TTN: variants seen among roughly 807,000 people sequenced by gnomAD.
The protein encoded by TTN is titin.
In TTN, 1,525 loss-of-function variants were observed where a neutral mutation model predicts 3,223.0. The observed-to-expected ratio is 0.47, with a 90% CI of 0.45 to 0.49. TTN has a LOEUF of 0.49. Ranked by LOEUF, TTN falls within the 20% of genes least tolerant of loss-of-function variation. The probability of loss-of-function intolerance (pLI) is 0.00; values close to 1 mark genes in which losing one functional copy is unlikely to be tolerated. For synonymous variants in TTN, 14,094 were observed against 15,161.0 expected (o/e 0.93, Z 5.17); for missense variants, 40,786 against 43,424.0 (o/e 0.94, Z 5.40).
intron 242 of TTN, among the ~76,000 whole-genome samples, chr2:178,624,133 A>G (rs2058691190): frequency 6.6e-6 from 1 of 151,946 alleles, no homozygotes; most frequent in South Asian, 2.1e-4. Flanking sequence ...CTTATCTTTA[A>G]AATTCAGTTT....
chr2:178,778,798 C>A, intron 24 of TTN, 76 bp downstream of exon 24: 1 of 1,593,870 alleles, frequency 6.3e-7, no homozygotes, highest in South Asian at 1.1e-5. Flanking sequence ...TCTTCTTACA[C>A]AATAGCAATT....
At chr2:178,798,330 C>T (rs1309608380) in intron 6 of TTN, among the ~76,000 whole-genome samples, 1 of 152,048 alleles carries the variant, frequency 6.6e-6, no homozygotes, top group Non-Finnish European at 1.5e-5. Context: ...AAAGTTTCAT[C>T]ATGATAAACT....
chr2:178,707,459 CATA>C, intron 100 of TTN, 64 bp downstream of exon 100: 13 of 1,470,610 alleles, frequency 8.8e-6, no homozygotes, highest in Non-Finnish European at 1.2e-5. Flanking sequence ...CTAGGGAAAT[CATA>C]ATAAGCAAAT....
At chr2:178,671,269 T>G in intron 155 of TTN, 99 bp from the exon 156 acceptor site, 1 of 771,358 alleles carries the variant, frequency 1.3e-6, no homozygotes, top group African/African-American at 1.9e-5. Context: ...AAATTCTTTA[T>G]CTATATTTTT....
chr2:178,592,069 G>T lies in TTN; in HGVS notation c.59835C>A (p.Asn19945Lys). 6.8e-6 allele frequency: 11 copies of T among 1,613,026 alleles called. No homozygotes were observed. The highest frequency in any genetic ancestry group is 1.7e-5 in the Admixed American group (1 of 59,926). ...SHFAKHLNEG[N>K]QYLFRVAAEN... is the part of the protein sequence containing the mutation. ...CCGCAGCTACTCGGAAGAGGTACTG[G>T]TTGCCTTCATTCAGATGCTTAGCGA... Residue 19945 changes from asparagine to lysine, a missense_variant, in exon 302 of 363, where the codon AAC becomes AAA. Transcript: ENST00000589042.
chr2:178,778,801 T>G, intron 24 of TTN, 73 bp downstream of exon 24: 1 of 1,601,812 alleles, frequency 6.2e-7, no homozygotes, highest in Non-Finnish European at 8.5e-7. Flanking sequence ...TCTTACACAA[T>G]AGCAATTTGC....
In TTN at chr2:178,568,360, G is replaced by A. The variant is rs727505107; in HGVS notation, c.77772C>T (p.Thr25924=). 1.2e-6 allele frequency: 2 copies of A among 1,613,264 alleles called. No homozygotes were observed. The highest frequency in any genetic ancestry group is 1.7e-6 in the Non-Finnish European group (2 of 1,179,546). ...PPLYTGGCQI[T]NYIVQKRDTT... ...TATCTCTTTTCTGAACAATGTAGTT[G>A]GTGATTTGGCAGCCCCCTGTATATA... Residue 25924 remains threonine, a synonymous_variant, in exon 326 of 363, where the codon ACC becomes ACT. Transcript: ENST00000589042.
Position 178,572,469 on chromosome 2 carries a change from T to C in TTN, c.73663A>G (p.Ile24555Val), listed in dbSNP as rs1708576305. 6.2e-7 allele frequency: 1 copy of C among 1,613,076 alleles called. No homozygotes were observed. The highest frequency in any genetic ancestry group is 8.5e-7 in the Non-Finnish European group (1 of 1,179,354). Reference sequence around the variant, plus strand: ...CTTGTTGATTCCCGCTTTTCAACAATATAGTTCTTGATTTTTGAACCTCCA... The same window carrying C: ...CTTGTTGATTCCCGCTTTTCAACAACATAGTTCTTGATTTTTGAACCTCCA... ...LDGGSKIKNY[I>V]VEKRESTRKA... The change falls in exon 326 of 363, where the codon ATT (isoleucine) becomes GTT (valine). Residue 24555 changes from isoleucine to valine, a missense_variant. By Grantham distance (29) the Ile-to-Val change is conservative. Transcript: ENST00000589042.
chr2:178,791,952 T>C lies in TTN; in HGVS notation c.1662+120A>G, dbSNP rs67587484. Reference sequence around the variant, plus strand: ...TTCAATACTAGACATAGAGGAACAATAACAAAAAATATACAACCAAAGACT... The same window carrying C: ...TTCAATACTAGACATAGAGGAACAACAACAAAAAATATACAACCAAAGACT... On this transcript the variant is annotated intron_variant, in intron 10 of 362. Transcript: ENST00000589042. The C allele has an allele frequency of 7.3e-3, 8,106 of 1,108,080 alleles. 420 individuals are homozygous for C. In the African/African-American group the frequency reaches 0.11, roughly 16 times the overall value. The allele number at this position is 1,108,080 out of a possible 1,614,324, so 68.6% of individuals were successfully genotyped here.
rs1309415866 is a variant in TTN at position 178,557,834 on chromosome 2, T to C, written c.87520A>G (p.Ile29174Val). 6.2e-7 allele frequency: 1 copy of C among 1,613,974 alleles called. No homozygotes were observed. The highest frequency in any genetic ancestry group is 8.5e-7 in the Non-Finnish European group (1 of 1,179,842). ...GTACTTGTTTCTCTTTTGAGTAGAA[T>C]GTAGTTGGTAACTTGACTTCCACCG... is the stretch of plus-strand genomic sequence containing the variant. ...YDGGSQVTNY[I>V]LLKRETSTAV... Residue 29174 changes from isoleucine (I) to valine (V), a missense_variant, in exon 328 of 363, where the codon ATT becomes GTT. Coordinates refer to ENST00000589042, the MANE Select transcript of TTN (RefSeq NM_001267550.2).
chr2:178,533,801 C>T lies in TTN; in HGVS notation c.102814G>A (p.Gly34272Ser), dbSNP rs794729562. The T allele has an allele frequency of 6.2e-7, 1 of 1,613,844 alleles. No individual in the cohort carries two copies. Among genetic ancestry groups the T allele is most frequent in the African/African-American group, 1.3e-5 (1 of 74,916 alleles). ...GTTACTCCAAACCGGACATTTTCAC[C>T]TACATAAGCTGTCTTATTATAGAGA... ...LPLYNKTAYV[G>S]ENVRFGVTIT... The change falls in exon 358 of 363, where the codon GGT becomes AGT. Residue 34272 changes from glycine (G) to serine (S), a missense_variant. Physicochemically the swap from Gly to Ser is moderately conservative, Grantham distance 56. Coordinates refer to ENST00000589042, the MANE Select transcript of TTN (RefSeq NM_001267550.2).
At position 178,582,432 on chromosome 2, in the gene TTN, T is replaced by G. The variant is rs766597277; in HGVS notation, c.66024A>C (p.Ala22008=). The G allele has an allele frequency of 5.6e-6, 9 of 1,612,982 alleles. No homozygotes were observed. The Admixed American group carries it at 1.5e-4, about 27-fold the overall frequency. ...CGCTGCAGCTGGTGATAGGCACAGT[T>G]GCAGAGACTTGAGCCCAGTTGGGCC... is the stretch of plus-strand genomic sequence containing the variant. ...TSRPNWAQVS[A]TVPITSCSVE... The change falls in exon 314 of 363, where the codon GCA becomes GCC. Residue 22008 remains alanine (A), a synonymous_variant. Transcript: ENST00000589042.
At position 178,534,968 on chromosome 2, in the gene TTN, C is replaced by T; in HGVS notation, c.101647G>A (p.Glu33883Lys). ...RNILHLHESF[E>K]SMEELVMIFE... Reference sequence around the variant, plus strand: ...ATCATAACTAATTCTTCCATGCTTTCAAATGATTCATGGAGGTGTAAGATG... The same window carrying T: ...ATCATAACTAATTCTTCCATGCTTTTAAATGATTCATGGAGGTGTAAGATG... The change falls in exon 358 of 363, where the codon GAA (glutamate) becomes AAA (lysine). Residue 33883 changes from glutamate to lysine, a missense_variant. By Grantham distance (56) the Glu-to-Lys change is moderately conservative. Coordinates refer to ENST00000589042, the MANE Select transcript of TTN (RefSeq NM_001267550.2). The T allele has an allele frequency of 6.2e-7, 1 of 1,613,276 alleles. No individual in the cohort carries two copies. The highest frequency in any genetic ancestry group is 1.1e-5 in the South Asian group (1 of 91,078).
At position 178,546,204 on chromosome 2, in the gene TTN, A is replaced by T. The variant is rs778245729; in HGVS notation, c.95119+8T>A. On this transcript the variant is annotated splice_region_variant and intron_variant, in intron 342 of 362. Transcript: ENST00000589042. ...CTATATAAATGTGAGAACATTTGACATGCTTACCAAGCACTTTGACCATGA... is the reference window on the plus strand; with the variant it reads ...CTATATAAATGTGAGAACATTTGACTTGCTTACCAAGCACTTTGACCATGA... 4 of 1,602,644 alleles carry T rather than the reference A, an allele frequency of 2.5e-6. No individual in the cohort carries two copies. In the South Asian group the frequency reaches 3.4e-5, roughly 13 times the overall value.
chr2:178,677,546 G>C, intron 146 of TTN, 75 bp downstream of exon 146: 1 of 1,424,324 alleles, frequency 7.0e-7, no homozygotes, highest in Non-Finnish European at 9.4e-7. Context: ...GATAAAACTG[G>C]AGATGAACAA....
In TTN at chr2:178,730,735, C is replaced by T. The variant is rs2080306772; in HGVS notation, c.17798G>A (p.Gly5933Asp). 7 of 1,611,192 alleles carry T rather than the reference C, an allele frequency of 4.3e-6. No homozygotes were observed. The highest frequency in any genetic ancestry group is 5.1e-6 in the Non-Finnish European group (6 of 1,177,896). ...TATACATTCTAAATCAATGAAAGAA[C>T]CTTTAATGCTGTCCATTTTCTTCAG... ...KKLKKMDSIK[G>D]SFIDLECIVA... The change falls in exon 61 of 363, where the codon GGT becomes GAT. Residue 5933 changes from glycine to aspartate, a missense_variant. Physicochemically the swap from Gly to Asp is moderately conservative, Grantham distance 94 (BLOSUM62 -1). Coordinates refer to ENST00000589042, the MANE Select transcript of TTN (RefSeq NM_001267550.2).
rs777105534 is a variant in TTN at position 178,567,465 on chromosome 2, G to A, written c.78667C>T (p.Pro26223Ser). Reference sequence around the variant, plus strand: ...TCTCCTCTTAACCACTCAATGGTAGGTAGGGGCTTTCCATGGACATCAGCC... The same window carrying A: ...TCTCCTCTTAACCACTCAATGGTAGATAGGGGCTTTCCATGGACATCAGCC... Reference protein sequence around the residue: ...LEADVHGKPLPTIEWLRGDKE... With the variant: ...LEADVHGKPLSTIEWLRGDKE... Residue 26223 changes from proline (P) to serine (S), a missense_variant, in exon 326 of 363, where the codon CCT becomes TCT. By Grantham distance (74) the Pro-to-Ser change is moderately conservative. Coordinates refer to ENST00000589042, the MANE Select transcript of TTN (RefSeq NM_001267550.2). The A allele has an allele frequency of 6.8e-6, 11 of 1,613,050 alleles. No homozygotes were observed. Among genetic ancestry groups the A allele is most frequent in the Admixed American group, 6.7e-5 (4 of 59,934 alleles).
chr2:178,786,264 G>T (rs1010462336), intron 13 of TTN, 123 bp from the exon 14 acceptor site: 2 of 1,022,782 alleles, frequency 2.0e-6, no homozygotes, highest in Non-Finnish European at 2.9e-6. Flanking sequence ...GTCTAGAAAT[G>T]TATCTCAGAA....
At chr2:178,619,014 C>A in intron 250 of TTN, 161 bp from the exon 251 acceptor site, 1 of 971,022 alleles carries the variant, frequency 1.0e-6, no homozygotes, top group South Asian at 1.8e-5. Context: ...GTTCTCATAG[C>A]TTTTTGTTGT....
Sources: gnomAD v4.1 joint callset for allele counts (sites outside exome capture counted in the v4.1 genomes callset) on GRCh38, gnomAD v4.1.1 for gene constraint, MANE v1.5 for transcripts, NCBI Gene and HGNC (gene_info 2026-07-23, HGNC 2026-07-21) for gene names.